The following PLCB1 variants were observed in gnomAD, a reference collection of about 807,000 sequenced individuals.
PLCB1 encodes phospholipase C beta 1.
A neutral mutation model predicts 161.8 loss-of-function variants in PLCB1; 46 were observed. The observed-to-expected ratio is 0.28, with a 90% CI of 0.22 to 0.36. PLCB1 has a LOEUF of 0.36. PLCB1 is among the 10% of genes least tolerant of loss of function. The pLI, the probability that PLCB1 is intolerant of heterozygous loss-of-function variation, is 1.00. For synonymous variants in PLCB1, 517 were observed against 503.7 expected (o/e 1.03, Z -0.35); for missense variants, 1,016 against 1,472.5 (o/e 0.69, Z 5.07).
chr20:8,874,960 T>C (rs928335079), intron 31 of PLCB1, among the ~76,000 whole-genome samples: 36 of 152,032 alleles, frequency 2.4e-4, no homozygotes, highest in African/African-American at 7.2e-4. Context: ...TCTCAGAATG[T>C]TATTGCTTCT....
intron 31 of PLCB1, among the ~76,000 whole-genome samples, chr20:8,865,904 T>C (rs1434375445): frequency 1.3e-5 from 2 of 152,192 alleles, no homozygotes; most frequent in South Asian, 4.1e-4. Flanking sequence ...TTTTCTGCAA[T>C]GTAGACCAAA....
chr20:8,148,209 A>G (rs1184279330), intron 1 of PLCB1, among the ~76,000 whole-genome samples: 1 of 152,210 alleles, frequency 6.6e-6, no homozygotes, highest in Non-Finnish European at 1.5e-5. Context: ...TATTTTGGCA[A>G]CTTCTAGAAG....
intron 3 of PLCB1, among the ~76,000 whole-genome samples, chr20:8,514,484 G>C (rs1254186708): frequency 2.0e-5 from 3 of 146,860 alleles, no homozygotes; most frequent in Admixed American, 1.4e-4. Context: ...ACCAGCCTGG[G>C]CAACATGGCA....
chr20:8,838,588 A>G (rs773740578), intron 31 of PLCB1, among the ~76,000 whole-genome samples: 27 of 152,216 alleles, frequency 1.8e-4, no homozygotes, highest in Middle Eastern at 3.2e-3. Context: ...GAGGGCTATT[A>G]CAGAGGGAAA....
At chr20:8,411,069 A>G (rs1424292995) in intron 3 of PLCB1, among the ~76,000 whole-genome samples, 3 of 152,222 alleles carry the variant, frequency 2.0e-5, no homozygotes, top group Non-Finnish European at 2.9e-5. Flanking sequence ...AGTATGTGGC[A>G]ATTTGTTATG....
intron 3 of PLCB1, among the ~76,000 whole-genome samples, chr20:8,506,590 A>G (rs1031455590): frequency 7.2e-5 from 11 of 152,234 alleles, no homozygotes; most frequent in African/African-American, 2.7e-4. Flanking sequence ...CACCAAGTTC[A>G]TTGTAAATGA....
chr20:8,495,302 G>T (rs1983114265), intron 3 of PLCB1, among the ~76,000 whole-genome samples: 1 of 151,624 alleles, frequency 6.6e-6, no homozygotes, highest in Non-Finnish European at 1.5e-5. Context: ...AAGTAATGGG[G>T]TCAAAATGCA....
intron 9 of PLCB1, among the ~76,000 whole-genome samples, chr20:8,684,151 T>A (rs1468679856): frequency 3.3e-4 from 50 of 152,266 alleles, no homozygotes; most frequent in Non-Finnish European, 2.1e-4. Context: ...CCCAAAGTGC[T>A]GGGATTACAG....
intron 1 of PLCB1, among the ~76,000 whole-genome samples, chr20:8,139,081 GTTTTTTTTTT>G (rs71329695): frequency 1.1e-5 from 1 of 91,628 alleles, no homozygotes; most frequent in Non-Finnish European, 2.0e-5. Context: ...TATTTCAAGG[GTTTTTTTTTT>G]TTTTTTTTTT....
At chr20:8,294,224 G>A (rs950146907) in intron 2 of PLCB1, among the ~76,000 whole-genome samples, 15 of 152,048 alleles carry the variant, frequency 9.9e-5, no homozygotes, top group African/African-American at 1.4e-4. Context: ...TCTCCTTCCT[G>A]ACTTCCCACA....
chr20:8,573,404 G>A (rs1012902961), intron 3 of PLCB1, among the ~76,000 whole-genome samples: 4 of 152,180 alleles, frequency 2.6e-5, no homozygotes, highest in African/African-American at 9.7e-5. Flanking sequence ...GTTTGCCGAA[G>A]GATGGGGTAT....
At chr20:8,635,907 G>A (rs547097822) in intron 4 of PLCB1, among the ~76,000 whole-genome samples, 41 of 152,294 alleles carry the variant, frequency 2.7e-4, no homozygotes, top group African/African-American at 9.4e-4. Context: ...CAAGAGACAT[G>A]AGGTTCTTAT....
In PLCB1 at chr20:8,179,543, A is replaced by G. The variant is rs56993795; in HGVS notation, c.177+29172A>G. ...GATCAAGGAGCTTTTGGGCAGAGGC[A>G]ATAGGGTTTTCTAGGTACTAGGTAT... On this transcript the variant is annotated intron_variant, in intron 2 of 31. Transcript: ENST00000338037. 2.3e-3 allele frequency among the ~76,000 whole-genome samples: 349 copies of G among 152,268 alleles called. 4 individuals carry two copies. In the East Asian group the frequency reaches 0.027, roughly 12 times the overall value.
rs549560099 is a variant in PLCB1 at position 8,449,798 on chromosome 20, A to C, written c.246+78348A>C. ...GCTCCCAAATAAACTTCCTGCCCTCAAGTCCTTGACCAAAGTGCTGTTTTG... is the reference window on the plus strand; with the variant it reads ...GCTCCCAAATAAACTTCCTGCCCTCCAGTCCTTGACCAAAGTGCTGTTTTG... On this transcript the variant is annotated intron_variant, in intron 3 of 31. Transcript: ENST00000338037. Among the ~76,000 whole-genome samples, 4 of 152,276 alleles carry C rather than the reference A, an allele frequency of 2.6e-5. No homozygotes were observed. The South Asian group carries it at 8.3e-4, about 32-fold the overall frequency.
intron 31 of PLCB1, among the ~76,000 whole-genome samples, chr20:8,796,067 A>G (rs1009094226): frequency 6.6e-6 from 1 of 152,178 alleles, no homozygotes; most frequent in South Asian, 2.1e-4. Context: ...TGTGTAATTT[A>G]CTTTTTCTCT....
At chr20:8,368,421 G>A (rs182144308) in intron 2 of PLCB1, among the ~76,000 whole-genome samples, 19 of 150,828 alleles carry the variant, frequency 1.3e-4, no homozygotes, top group East Asian at 1.2e-3. Flanking sequence ...TCAGCTACTC[G>A]AGGGCTGAGG....
chr20:8,383,687 T>A (rs986805355), intron 3 of PLCB1, among the ~76,000 whole-genome samples: 6 of 152,230 alleles, frequency 3.9e-5, no homozygotes, highest in Admixed American at 3.9e-4. Context: ...CCATATTTAG[T>A]GCTTCCTTCA....
intron 3 of PLCB1, among the ~76,000 whole-genome samples, chr20:8,599,799 CTTTT>C (rs1422622260): frequency 8.2e-6 from 1 of 122,410 alleles, no homozygotes; most frequent in Non-Finnish European, 1.7e-5. Context: ...TTGCTCATTT[CTTTT>C]TATTCTTTTT....
chr20:8,774,046 A>G (rs1982822452), intron 26 of PLCB1, among the ~76,000 whole-genome samples: 2 of 149,486 alleles, frequency 1.3e-5, no homozygotes. Flanking sequence ...CACGGCATCT[A>G]CACGTGCTCT....
Sources: gnomAD v4.1 joint callset for allele counts (sites outside exome capture counted in the v4.1 genomes callset) on GRCh38, gnomAD v4.1.1 for gene constraint, MANE v1.5 for transcripts, NCBI Gene and HGNC (gene_info 2026-07-23, HGNC 2026-07-21) for gene names.